DOCK3: variants seen among roughly 807,000 people sequenced by gnomAD.
DOCK3 encodes dedicator of cytokinesis 3.
A neutral mutation model predicts 265.6 loss-of-function variants in DOCK3; 60 were observed. The observed-to-expected ratio is 0.23, with a 90% CI of 0.18 to 0.28. The LOEUF is 0.28. Among genes scored for constraint, DOCK3 ranks in the 10% least tolerant of loss-of-function variants. The pLI is 1.00. For synonymous variants in DOCK3, 881 were observed against 938.0 expected (o/e 0.94, Z 1.11); for missense variants, 1,981 against 2,594.3 (o/e 0.76, Z 5.14).
At chr3:51,153,058 C>T (rs1235917612) in intron 10 of DOCK3, among the ~76,000 whole-genome samples, 1 of 152,248 alleles carries the variant, frequency 6.6e-6, no homozygotes, top group Admixed American at 6.5e-5. Flanking sequence ...ACGTTTAAGT[C>T]TGCAGAAGTT....
chr3:51,090,118 A>G (rs1471879377), intron 8 of DOCK3, 112 bp from the exon 9 acceptor site: 1 of 1,199,280 alleles, frequency 8.3e-7, no homozygotes, highest in South Asian at 1.7e-5. Context: ...AGTTTCTCAA[A>G]TAATCTCCTT....
intron 1 of DOCK3, among the ~76,000 whole-genome samples, chr3:50,678,883 C>T (rs1055253427): frequency 3.9e-5 from 6 of 151,950 alleles, no homozygotes; most frequent in African/African-American, 1.5e-4. Context: ...GATCTCGGCT[C>T]ACTGCAAGCT....
At chr3:51,331,593 T>G (rs548397880) in intron 33 of DOCK3, among the ~76,000 whole-genome samples, 1 of 152,166 alleles carries the variant, frequency 6.6e-6, no homozygotes, top group East Asian at 1.9e-4. Context: ...GTGAATTAGT[T>G]TAGAAAAGAT....
chr3:50,963,364 G>T (rs1041160527), intron 5 of DOCK3, among the ~76,000 whole-genome samples: 2 of 151,954 alleles, frequency 1.3e-5, no homozygotes, highest in Non-Finnish European at 2.9e-5. Context: ...TGACAGGGTG[G>T]TAGTGTTCTT....
chr3:51,305,618 G>A (rs2109409830), intron 27 of DOCK3, among the ~76,000 whole-genome samples: 1 of 151,302 alleles, frequency 6.6e-6, no homozygotes, highest in South Asian at 2.1e-4. Context: ...CTTTATATAG[G>A]TCTTATGCCA....
intron 20 of DOCK3, 26 bp downstream of exon 20, chr3:51,236,454 T>G: frequency 6.4e-7 from 1 of 1,573,984 alleles, no homozygotes; most frequent in Non-Finnish European, 8.7e-7. Context: ...GACTCTTTAC[T>G]TTTATTAATT....
chr3:51,213,428 T>C (rs543718861), intron 13 of DOCK3, among the ~76,000 whole-genome samples: 1 of 152,246 alleles, frequency 6.6e-6, no homozygotes, highest in South Asian at 2.1e-4. Flanking sequence ...ATTCTAACTT[T>C]GTGCACAACT....
intron 32 of DOCK3, among the ~76,000 whole-genome samples, chr3:51,324,695 C>T (rs2083976363): frequency 6.6e-6 from 1 of 152,192 alleles, no homozygotes. Context: ...ACCAAAACAG[C>T]ATGGTACTGG....
At chr3:51,166,176 G>A (rs750547073) in intron 12 of DOCK3, among the ~76,000 whole-genome samples, 34 of 150,946 alleles carry the variant, frequency 2.3e-4, no homozygotes, top group South Asian at 8.4e-4. Context: ...TCAGCCTCCC[G>A]AGTAGCTGGT....
intron 12 of DOCK3, among the ~76,000 whole-genome samples, chr3:51,184,411 C>T (rs1445792981): frequency 3.3e-5 from 5 of 151,160 alleles, no homozygotes; most frequent in Non-Finnish European, 7.4e-5. Flanking sequence ...GATCCTGAAG[C>T]AGAAAGTGCC....
chr3:51,164,315 T>C (rs2086275501), intron 12 of DOCK3, among the ~76,000 whole-genome samples: 1 of 152,162 alleles, frequency 6.6e-6, no homozygotes, highest in Admixed American at 6.6e-5. Context: ...CGAACAGTGC[T>C]GTGATGTTCA....
At chr3:51,360,712 G>A in intron 47 of DOCK3, 80 bp downstream of exon 47, 4 of 1,573,382 alleles carry the variant, frequency 2.5e-6, no homozygotes, top group Non-Finnish European at 3.5e-6. Context: ...GAGTCCTCAT[G>A]TATACTCATA....
At chr3:50,752,994 G>C (rs1160599099) in intron 1 of DOCK3, among the ~76,000 whole-genome samples, 1 of 152,038 alleles carries the variant, frequency 6.6e-6, no homozygotes, top group Non-Finnish European at 1.5e-5. Context: ...TCTCTAAAAG[G>C]CTAGATAGTA....
chr3:50,722,769 GTTTT>G (rs58505050), intron 1 of DOCK3, among the ~76,000 whole-genome samples: 1 of 135,110 alleles, frequency 7.4e-6, no homozygotes, highest in Non-Finnish European at 1.5e-5. Context: ...TCTTTTTCTT[GTTTT>G]TTTTTTTTTT....
intron 22 of DOCK3, among the ~76,000 whole-genome samples, chr3:51,254,948 G>T (rs978698801): frequency 6.6e-6 from 1 of 152,212 alleles, no homozygotes; most frequent in African/African-American, 2.4e-5. Flanking sequence ...AATTGATGCA[G>T]TTTCTTCCTA....
At chr3:51,009,014 G>A (rs1319118197) in intron 5 of DOCK3, among the ~76,000 whole-genome samples, 3 of 152,068 alleles carry the variant, frequency 2.0e-5, no homozygotes, top group Non-Finnish European at 2.9e-5. Flanking sequence ...GCTGGATTTG[G>A]TTTACCAGTA....
At chr3:51,332,944 A>C in intron 33 of DOCK3, 57 bp from the exon 34 acceptor site, 1 of 1,610,588 alleles carries the variant, frequency 6.2e-7, no homozygotes. Context: ...ATGTGTTTTC[A>C]TTTGTTGCTG....
chr3:50,755,594 C>T (rs755107081), intron 1 of DOCK3, among the ~76,000 whole-genome samples: 63 of 152,274 alleles, frequency 4.1e-4, no homozygotes, highest in South Asian at 1.5e-3. Flanking sequence ...GAAGGTTGTG[C>T]AACCATCATC....
rs1448264364 is a variant in DOCK3, at chr3:51,250,303, AAAAT to A, written c.2184+3500_2184+3503del. Reference sequence around the variant, plus strand: ...AAAAAAAAATTAAAAAAAATAATAAAAAATAAAAAACAAAACAAAACAAAACAAA... The same window carrying A: ...AAAAAAAAATTAAAAAAAATAATAAAAAAAAACAAAACAAAACAAAACAAA... On this transcript the variant is annotated intron_variant, in intron 22 of 52. Coordinates refer to ENST00000266037, the MANE Select transcript of DOCK3 (RefSeq NM_004947.5). 2.3e-3 allele frequency among the ~76,000 whole-genome samples: 346 copies of A among 150,364 alleles called. 3 individuals are homozygous for A. Among genetic ancestry groups the A allele is most frequent in the South Asian group, 0.014 (69 of 4,796 alleles).
Sources: allele counts gnomAD v4.1 joint callset (sites outside exome capture counted in the v4.1 genomes callset), GRCh38; gene constraint gnomAD v4.1.1; transcripts MANE v1.5; gene names NCBI Gene and HGNC (gene_info 2026-07-23, HGNC 2026-07-21).